The following FHIP2A variants were observed in gnomAD, a reference collection of about 807,000 sequenced individuals.
The protein encoded by FHIP2A is FHF complex subunit HOOK interacting protein 2A.
Under a neutral mutation model 93.5 loss-of-function variants are expected in FHIP2A, and 46 were observed. That is an observed-to-expected ratio of 0.49 (90% CI 0.39 to 0.63). The LOEUF (loss-of-function observed/expected upper bound fraction) is 0.63. Among genes scored for constraint, FHIP2A ranks in the 20% least tolerant of loss-of-function variants. The probability of loss-of-function intolerance (pLI) is 0.00; values close to 1 mark genes in which losing one functional copy is unlikely to be tolerated. For synonymous variants in FHIP2A, 332 were observed against 326.5 expected (o/e 1.02, Z -0.18); for missense variants, 769 against 909.7 (o/e 0.85, Z 1.99).
chr10:114,899,286 T>G (rs1364514780), intron 16 of FHIP2A, among the ~76,000 whole-genome samples: 1 of 152,230 alleles, frequency 6.6e-6, no homozygotes, highest in Non-Finnish European at 1.5e-5. Context: ...ATATATAAGT[T>G]AAAATATTAG....
At chr10:114,856,643 T>A (rs976946403) in intron 14 of FHIP2A, among the ~76,000 whole-genome samples, 16 of 152,082 alleles carry the variant, frequency 1.1e-4, no homozygotes, top group African/African-American at 3.4e-4. Context: ...AGTTTCTGAA[T>A]TGAAAGATCT....
chr10:114,836,022 TA>T, intron 4 of FHIP2A, 101 bp from the exon 5 acceptor site: 1 of 816,866 alleles, frequency 1.2e-6, no homozygotes, highest in Non-Finnish European at 1.9e-6. Context: ...ATATTTGCAT[TA>T]TATGAAAAAT....
intron 1 of FHIP2A, among the ~76,000 whole-genome samples, chr10:114,830,139 A>G (rs567421260): frequency 2.0e-5 from 3 of 152,332 alleles, no homozygotes; most frequent in Non-Finnish European, 2.9e-5. Context: ...AACTAATTAC[A>G]TAGCAGCTTT....
intron 5 of FHIP2A, among the ~76,000 whole-genome samples, chr10:114,837,952 T>C (rs1248616482): frequency 6.6e-6 from 1 of 152,250 alleles, no homozygotes; most frequent in Non-Finnish European, 1.5e-5. Flanking sequence ...TTTTTACAAT[T>C]GTTAATGAAA....
intron 16 of FHIP2A, among the ~76,000 whole-genome samples, chr10:114,895,198 T>G (rs1448163166): frequency 6.6e-6 from 1 of 152,328 alleles, no homozygotes; most frequent in African/African-American, 2.4e-5. Context: ...AATGCATCAC[T>G]GATAGTTTGA....
intron 5 of FHIP2A, among the ~76,000 whole-genome samples, chr10:114,838,437 T>A (rs751153253): frequency 6.6e-5 from 10 of 152,172 alleles, no homozygotes; most frequent in Non-Finnish European, 1.5e-4. Flanking sequence ...TTTGCAAATT[T>A]GCTTCAAAAG....
chr10:114,837,573 G>A lies in FHIP2A; in HGVS notation c.522+1327G>A, dbSNP rs567800313. On this transcript the variant is annotated intron_variant, in intron 5 of 16. Transcript: ENST00000369248. ...TTTCTTTTTTTGGATTAAGATATAA[G>A]TTACATACAATAGAATTCACTCGTT... Among the ~76,000 whole-genome samples the A allele has an allele frequency of 1.3e-5, 2 of 152,168 alleles. 1 individual carries two copies. Among genetic ancestry groups the A allele is most frequent in the South Asian group, 4.2e-4 (2 of 4,808 alleles).
intron 14 of FHIP2A, 97 bp downstream of exon 14, chr10:114,855,437 T>A (rs2083761477): frequency 3.7e-6 from 4 of 1,092,532 alleles, no homozygotes; most frequent in Non-Finnish European, 5.1e-6. Context: ...GTACTTTTAT[T>A]GTTTTCTTAC....
In FHIP2A at chr10:114,822,084, C is replaced by G; in HGVS notation, c.6C>G (p.Phe2Leu). 7.5e-7 allele frequency: 1 copy of G among 1,341,888 alleles called. No homozygotes were observed. The allele number at this position is 1,341,888 out of a possible 1,614,324, so 83.1% of individuals were successfully genotyped here. The change falls in exon 1 of 17, where the codon TTC becomes TTG. Residue 2 changes from phenylalanine (F) to leucine (L), a missense_variant. Coordinates refer to ENST00000369248, the MANE Select transcript of FHIP2A (RefSeq NM_020940.4). The stretch of plus-strand genomic sequence containing the variant: ...TGCTGCAGTCCCGGGACAGGATGTT[C>G]TCCAAGTTCACCTCCATCCTGCAGC... M[F>L]SKFTSILQHA...
Position 114,846,099 on chromosome 10 carries a change from C to T in FHIP2A, c.1205+10C>T, listed in dbSNP as rs529823781. 9.9e-6 allele frequency: 16 copies of T among 1,613,216 alleles called. 1 individual carries two copies. In the Middle Eastern group the frequency reaches 6.6e-4, roughly 67 times the overall value. ...CTCAATTAATGCAAACGTGAGTAGC[C>T]TGTTTTCTTTTGAAAAAAACCGCAT... On this transcript the variant is annotated intron_variant, in intron 9 of 16. Transcript: ENST00000369248.
chr10:114,863,653 G>A lies in FHIP2A; in HGVS notation c.*2113G>A. ...TCTTTTTTCTTTTATATTTAGTTCAGACCTAGAGCCAGTAGAAGCTCTCAC... is the reference window on the plus strand; with the variant it reads ...TCTTTTTTCTTTTATATTTAGTTCAAACCTAGAGCCAGTAGAAGCTCTCAC... On this transcript the variant is annotated 3_prime_UTR_variant, in exon 17 of 17. Coordinates refer to ENST00000369248, the MANE Select transcript of FHIP2A (RefSeq NM_020940.4). 7.7e-7 allele frequency: 1 copy of A among 1,299,654 alleles called. No homozygotes were observed. Among genetic ancestry groups the A allele is most frequent in the Non-Finnish European group, 1.0e-6 (1 of 987,414 alleles). 80.5% of individuals were successfully genotyped at this position (1,299,654 alleles called of 1,614,324 possible).
In FHIP2A at chr10:114,822,087, C is replaced by G; in HGVS notation, c.9C>G (p.Ser3=). The G allele has an allele frequency of 7.4e-7, 1 of 1,343,306 alleles. No individual in the cohort carries two copies. Among genetic ancestry groups the G allele is most frequent in the Non-Finnish European group, 9.8e-7 (1 of 1,024,926 alleles). 83.2% of individuals were successfully genotyped at this position (1,343,306 alleles called of 1,614,324 possible). MF[S]KFTSILQHAV... Reference sequence around the variant, plus strand: ...TGCAGTCCCGGGACAGGATGTTCTCCAAGTTCACCTCCATCCTGCAGCACG... The same window carrying G: ...TGCAGTCCCGGGACAGGATGTTCTCGAAGTTCACCTCCATCCTGCAGCACG... The change falls in exon 1 of 17, where the codon TCC becomes TCG. Residue 3 remains serine, a synonymous_variant. Coordinates refer to ENST00000369248, the MANE Select transcript of FHIP2A (RefSeq NM_020940.4).
intron 2 of FHIP2A, 41 bp from the exon 3 acceptor site, chr10:114,833,192 A>G (rs777190696): frequency 6.6e-7 from 1 of 1,513,836 alleles, no homozygotes; most frequent in African/African-American, 1.4e-5. Flanking sequence ...TATGCAGTTT[A>G]AAAATGTTTA....
At chr10:114,848,552 G>A (rs1261708950) in intron 12 of FHIP2A, 95 bp from the exon 13 acceptor site, 1 of 689,728 alleles carries the variant, frequency 1.4e-6, no homozygotes, top group Non-Finnish European at 2.6e-6. Context: ...ATTGAATTAT[G>A]AGAGTATTGA....
At position 114,834,341 on chromosome 10, in the gene FHIP2A, A is replaced by T. The variant is rs534802336; in HGVS notation, c.294+939A>T. On this transcript the variant is annotated intron_variant, in intron 3 of 16. Coordinates refer to ENST00000369248, the MANE Select transcript of FHIP2A (RefSeq NM_020940.4). ...TCCTTTTTCCTGTCCTTTGGAGAGA[A>T]GGATTGTTAATAATAAATTGATTAA... Among the ~76,000 whole-genome samples, 52 of 152,312 alleles carry T rather than the reference A, an allele frequency of 3.4e-4. 1 individual carries two copies. Among genetic ancestry groups the T allele is most frequent in the African/African-American group, 1.1e-3 (46 of 41,568 alleles).
intron 16 of FHIP2A, among the ~76,000 whole-genome samples, chr10:114,880,276 A>G (rs1043097798): frequency 6.6e-6 from 1 of 152,220 alleles, no homozygotes; most frequent in South Asian, 2.1e-4. Context: ...AAATGTTCTG[A>G]AATTATAGAG....
At chr10:114,887,391 A>G (rs1427384170) in intron 16 of FHIP2A, among the ~76,000 whole-genome samples, 1 of 152,146 alleles carries the variant, frequency 6.6e-6, no homozygotes, top group Non-Finnish European at 1.5e-5. Context: ...TGTGCCTGAC[A>G]CTCTTCCAAC....
At chr10:114,828,673 T>G in intron 1 of FHIP2A, among the ~76,000 whole-genome samples, 1 of 152,314 alleles carries the variant, frequency 6.6e-6, no homozygotes, top group Non-Finnish European at 1.5e-5. Flanking sequence ...TTTCCCAAGT[T>G]AATACTTTGA....
At chr10:114,825,040 G>A (rs907751054) in intron 1 of FHIP2A, among the ~76,000 whole-genome samples, 67 of 151,768 alleles carry the variant, frequency 4.4e-4, no homozygotes, top group African/African-American at 1.5e-3. Flanking sequence ...CTTATTTTTC[G>A]AGACAGGGTC....
Sources: gnomAD v4.1 joint callset for allele counts (sites outside exome capture counted in the v4.1 genomes callset) on GRCh38, gnomAD v4.1.1 for gene constraint, MANE v1.5 for transcripts, NCBI Gene and HGNC (gene_info 2026-07-23, HGNC 2026-07-21) for gene names.